The following TNR variants were observed in gnomAD, a reference collection of about 807,000 sequenced individuals.
The protein encoded by TNR is tenascin R, also known as tenascin-R.
Under a neutral mutation model 150.4 loss-of-function variants are expected in TNR, and 45 were observed. The observed-to-expected ratio is 0.30, with a 90% confidence interval of 0.24 to 0.38. The LOEUF (loss-of-function observed/expected upper bound fraction) is 0.38. Among genes scored for constraint, TNR ranks in the 10% least tolerant of loss-of-function variants. TNR has a pLI of 1.00. For synonymous variants in TNR, 687 were observed against 678.4 expected, an observed-to-expected ratio of 1.01 and a Z score of -0.20; for missense variants, 1,544 against 1,759.1, an observed-to-expected ratio of 0.88 and a Z score of 2.19.
At chr1:175,594,546 C>A (rs752649026) in intron 1 of TNR, among the ~76,000 whole-genome samples, 1 of 151,970 alleles carries the variant, frequency 6.6e-6, no homozygotes, top group Admixed American at 6.6e-5. Flanking sequence ...ATTAATCTTT[C>A]AAGTGAGATA....
intron 2 of TNR, among the ~76,000 whole-genome samples, chr1:175,425,865 T>TA (rs1260911449): frequency 1.3e-5 from 2 of 152,186 alleles, no homozygotes; most frequent in Admixed American, 6.5e-5. Flanking sequence ...TTATTGGGGT[T>TA]AAACAGCTGT....
intron 1 of TNR, among the ~76,000 whole-genome samples, chr1:175,665,851 A>G (rs1317949234): frequency 6.6e-6 from 1 of 152,196 alleles, no homozygotes; most frequent in African/African-American, 2.4e-5. Flanking sequence ...TATTACGTTC[A>G]TGGTACAATG....
At chr1:175,368,947 T>G (rs1651962056) in intron 9 of TNR, among the ~76,000 whole-genome samples, 1 of 151,904 alleles carries the variant, frequency 6.6e-6, no homozygotes, top group Admixed American at 6.6e-5. Context: ...AGACTCTGTA[T>G]CAAAAAAACA....
At chr1:175,547,126 C>G (rs886644104) in intron 1 of TNR, among the ~76,000 whole-genome samples, 11 of 152,248 alleles carry the variant, frequency 7.2e-5, no homozygotes, top group African/African-American at 2.7e-4. Context: ...CAGAGGTCCT[C>G]TGTCTTCAAG....
In TNR at chr1:175,392,991, TG is replaced by T. The variant is rs1188137630; in HGVS notation, c.1356+788del. ...GTCATTTGTCATTAAGTCTGATGAA[TG>T]GCTAAAAAATGTTCTTTGATGTTGA... On this transcript the variant is annotated intron_variant, in intron 6 of 22. Transcript: ENST00000367674. 2.6e-5 allele frequency among the ~76,000 whole-genome samples: 4 copies of T among 152,300 alleles called. No homozygotes were observed. The East Asian group carries it at 7.7e-4, about 29-fold the overall frequency.
intron 1 of TNR, among the ~76,000 whole-genome samples, chr1:175,553,553 G>A (rs980257811): frequency 6.6e-6 from 1 of 152,082 alleles, no homozygotes; most frequent in African/African-American, 2.4e-5. Context: ...TGCTGTCTTT[G>A]ATTCTGAGAA....
At chr1:175,446,250 T>C (rs182268857) in intron 2 of TNR, among the ~76,000 whole-genome samples, 39 of 152,334 alleles carry the variant, frequency 2.6e-4, no homozygotes, top group Admixed American at 2.0e-3. Context: ...CTGATGCTTG[T>C]ACTCAGGGAA....
At chr1:175,558,340 T>C (rs1022376437) in intron 1 of TNR, among the ~76,000 whole-genome samples, 3 of 152,178 alleles carry the variant, frequency 2.0e-5, no homozygotes, top group African/African-American at 7.2e-5. Context: ...TTATCTTATA[T>C]CTATGCCACA....
chr1:175,573,408 T>C (rs1282297621), intron 1 of TNR, among the ~76,000 whole-genome samples: 1 of 152,092 alleles, frequency 6.6e-6, no homozygotes, highest in East Asian at 1.9e-4. Context: ...GGCTGAGTAA[T>C]AAAGATCCTG....
chr1:175,503,051 T>A (rs940038554), intron 2 of TNR, among the ~76,000 whole-genome samples: 6 of 152,176 alleles, frequency 3.9e-5, no homozygotes, highest in African/African-American at 1.4e-4. Flanking sequence ...GGTGTCCACA[T>A]GTGTGAATTA....
In TNR at chr1:175,396,592, C is replaced by T. The variant is rs767914400; in HGVS notation, c.1192G>A (p.Val398Ile). The T allele has an allele frequency of 2.5e-6, 4 of 1,614,134 alleles. No homozygotes were observed. In the Admixed American group the frequency reaches 6.7e-5, roughly 27 times the overall value. ...GGAAGGCTGAGGATGTTGCTAATGA[C>T]AGCGTAGACGCTGATGTTGTAGGTG... ...GLTYNISVYA[V>I]ISNILSLPIT... The change falls in exon 5 of 23, where the codon GTC becomes ATC. Residue 398 changes from valine (V) to isoleucine (I), a missense_variant. Val to Ile is a conservative substitution (Grantham distance 29). Coordinates refer to ENST00000367674, the MANE Select transcript of TNR (RefSeq NM_003285.3).
In TNR at chr1:175,355,592, T is replaced by C; in HGVS notation, c.3160A>G (p.Arg1054Gly). Residue 1054 changes from arginine to glycine, a missense_variant, in exon 17 of 23, where the codon AGA (arginine) becomes GGA (glycine). Physicochemically the swap from Arg to Gly is moderately radical, Grantham distance 125. Around this residue, in one of 2 missense-constraint regions of TNR, gnomAD observed 290 missense variants for 429.7 expected, o/e 0.67. Transcript: ENST00000367674. ...PANLTASEVT[R>G]QSALISWQPP... ...TGCCAGGAGATCAGGGCACTTTGTC[T>C]GGTGACTTCACTGGCTGTCAGGTTT... 6.2e-7 allele frequency: 1 copy of C among 1,614,086 alleles called. No homozygotes were observed. The highest frequency in any genetic ancestry group is 8.5e-7 in the Non-Finnish European group (1 of 1,179,922).
chr1:175,553,475 T>C (rs775911330), intron 1 of TNR, among the ~76,000 whole-genome samples: 24 of 152,194 alleles, frequency 1.6e-4, no homozygotes, highest in Non-Finnish European at 3.2e-4. Context: ...CTAAAACCAC[T>C]TCACAACTCT....
chr1:175,392,208 C>A (rs1196137092), intron 6 of TNR, among the ~76,000 whole-genome samples: 1 of 152,182 alleles, frequency 6.6e-6, no homozygotes, highest in African/African-American at 2.4e-5. Context: ...CCCTCTCTCT[C>A]TTTCCCTCCA....
At chr1:175,734,982 C>T (rs1318809371) in intron 1 of TNR, among the ~76,000 whole-genome samples, 1 of 152,216 alleles carries the variant, frequency 6.6e-6, no homozygotes, top group African/African-American at 2.4e-5. Flanking sequence ...GTTTCACCAG[C>T]ATTAAACTTC....
At chr1:175,737,812 C>T (rs1667814074) in intron 1 of TNR, among the ~76,000 whole-genome samples, 1 of 152,144 alleles carries the variant, frequency 6.6e-6, no homozygotes, top group Admixed American at 6.5e-5. Context: ...CCGAGGAGAC[C>T]AGGCTGGAAC....
intron 9 of TNR, among the ~76,000 whole-genome samples, chr1:175,375,534 C>T (rs938828915): frequency 1.5e-4 from 23 of 151,856 alleles, no homozygotes; most frequent in Admixed American, 9.2e-4. Flanking sequence ...CAGAGGGCAA[C>T]ATTTGTAAAG....
intron 10 of TNR, 64 bp downstream of exon 10, chr1:175,367,144 C>G (rs1651879831): frequency 2.7e-6 from 4 of 1,475,042 alleles, no homozygotes; most frequent in Non-Finnish European, 2.8e-6. Context: ...CTGGGACGAG[C>G]CTCCATGACT....
At chr1:175,612,541 T>A (rs1663630667) in intron 1 of TNR, among the ~76,000 whole-genome samples, 1 of 152,220 alleles carries the variant, frequency 6.6e-6, no homozygotes, top group South Asian at 2.1e-4. Flanking sequence ...CAGGCAGTGC[T>A]AAATACTAGG....
Sources: allele counts gnomAD v4.1 joint callset (sites outside exome capture counted in the v4.1 genomes callset), GRCh38; gene constraint gnomAD v4.1.1; regional missense constraint gnomAD v4.1.1; transcripts MANE v1.5; gene names NCBI Gene and HGNC (gene_info 2026-07-23, HGNC 2026-07-21).